HELZ: variants seen among roughly 807,000 people sequenced by gnomAD.
HELZ encodes the protein ATP-dependent RNA helicase with zinc finger domain.
HELZ carries 23 observed loss-of-function variants against 218.2 expected under a neutral mutation model. That is an observed-to-expected ratio of 0.11 (90% CI 0.08 to 0.15). The LOEUF is 0.15. HELZ is among the 10% of genes least tolerant of loss of function. The pLI is 1.00. For missense variants in HELZ, 1,813 were observed against 2,353.7 expected (o/e 0.77, Z 4.75); for synonymous variants, 814 against 829.4 (o/e 0.98, Z 0.32).
At chr17:67,174,494 C>T (rs955531184) in intron 13 of HELZ, among the ~76,000 whole-genome samples, 1 of 152,086 alleles carries the variant, frequency 6.6e-6, no homozygotes, top group African/African-American at 2.4e-5. Flanking sequence ...ATACTACTTT[C>T]GTGATTAGAA....
intron 13 of HELZ, among the ~76,000 whole-genome samples, chr17:67,174,784 C>A (rs1214129337): frequency 6.6e-6 from 1 of 151,912 alleles, no homozygotes; most frequent in Non-Finnish European, 1.5e-5. Flanking sequence ...GCAACAAGAA[C>A]GAAACTCCAT....
At chr17:67,080,502 T>A (rs1001376732) in intron 32 of HELZ, among the ~76,000 whole-genome samples, 2 of 152,234 alleles carry the variant, frequency 1.3e-5, no homozygotes, top group African/African-American at 4.8e-5. Context: ...CTGCTCTTCC[T>A]GCTTTCTCAC....
chr17:67,103,352 A>T lies in HELZ; in HGVS notation c.5241+3817T>A, dbSNP rs148657187. Among the ~76,000 whole-genome samples, 43 of 152,308 alleles carry T rather than the reference A, an allele frequency of 2.8e-4. 1 individual carries two copies. Among genetic ancestry groups the T allele is most frequent in the Admixed American group, 2.1e-3 (32 of 15,298 alleles). ...TTGTAGATGACATTATCTTCCATATAAAAAAGCCTAAGATATCTACAAAAA... is the reference window on the plus strand; with the variant it reads ...TTGTAGATGACATTATCTTCCATATTAAAAAGCCTAAGATATCTACAAAAA... On this transcript the variant is annotated intron_variant, in intron 31 of 32. Coordinates refer to ENST00000358691, the MANE Select transcript of HELZ (RefSeq NM_014877.4).
chr17:67,195,230 T>G (rs901103228), intron 8 of HELZ, among the ~76,000 whole-genome samples, 189 bp downstream of exon 8: 2 of 152,210 alleles, frequency 1.3e-5, no homozygotes, highest in Non-Finnish European at 2.9e-5. Context: ...CATTACTCCA[T>G]TATTCTATGA....
chr17:67,165,781 A>G (rs1176717561), intron 15 of HELZ, among the ~76,000 whole-genome samples: 1 of 152,220 alleles, frequency 6.6e-6, no homozygotes, highest in Non-Finnish European at 1.5e-5. Context: ...TTTCTGAAGT[A>G]GTTTCTTCTA....
chr17:67,223,942 C>G (rs2040820891), intron 3 of HELZ, among the ~76,000 whole-genome samples: 1 of 152,168 alleles, frequency 6.6e-6, no homozygotes, highest in Non-Finnish European at 1.5e-5. Flanking sequence ...TAAAAAGAGA[C>G]TAATACCATG....
intron 24 of HELZ, among the ~76,000 whole-genome samples, chr17:67,126,494 G>A (rs558683181): frequency 4.6e-5 from 7 of 152,106 alleles, no homozygotes; most frequent in South Asian, 2.1e-4. Flanking sequence ...AGAAACCATA[G>A]AACAGTAAAT....
At chr17:67,148,786 A>G in intron 19 of HELZ, 72 bp from the exon 20 acceptor site, 1 of 1,409,076 alleles carries the variant, frequency 7.1e-7, no homozygotes, top group Non-Finnish European at 9.6e-7. Flanking sequence ...ACTTATAAAA[A>G]ATCCACTATG....
intron 3 of HELZ, among the ~76,000 whole-genome samples, chr17:67,235,375 C>T (rs972511713): frequency 2.6e-5 from 4 of 151,954 alleles, no homozygotes; most frequent in Admixed American, 6.6e-5. Flanking sequence ...CATGGTAGTG[C>T]GCACCTGTAA....
rs1196366694 is a variant in HELZ, at chr17:67,109,338, A to G, written c.4267T>C (p.Tyr1423His). 3.1e-6 allele frequency: 5 copies of G among 1,614,158 alleles called. No homozygotes were observed. Among genetic ancestry groups the G allele is most frequent in the Admixed American group, 3.3e-5 (2 of 60,022 alleles). Reference sequence around the variant, plus strand: ...AAAGCATTGTTGGGTCCCGCCTGATATGCAGGAGAAAGCTGAGGAGGTGGC... The same window carrying G: ...AAAGCATTGTTGGGTCCCGCCTGATGTGCAGGAGAAAGCTGAGGAGGTGGC... ...QQPPPQLSPA[Y>H]QAGPNNAFFN... The change falls in exon 29 of 33, where the codon TAT becomes CAT. Residue 1423 changes from tyrosine to histidine, a missense_variant. Physicochemically the swap from Tyr to His is moderately conservative, Grantham distance 83 (BLOSUM62 2). Coordinates refer to ENST00000358691, the MANE Select transcript of HELZ (RefSeq NM_014877.4).
In HELZ at chr17:67,166,464, T is replaced by C. The variant is rs951385422; in HGVS notation, c.1895+14A>G. The C allele has an allele frequency of 1.2e-6, 2 of 1,601,716 alleles. No homozygotes were observed. The highest frequency in any genetic ancestry group is 1.3e-5 in the African/African-American group (1 of 74,716). ...TAACCTAACTTCCTTTAATAAGATA[T>C]CGCCTTTTTGTACCTGTTAGGACTC... On this transcript the variant is annotated intron_variant, in intron 15 of 32. Transcript: ENST00000358691.
At chr17:67,190,020 T>C in intron 10 of HELZ, 137 bp downstream of exon 10, 1 of 723,978 alleles carries the variant, frequency 1.4e-6, no homozygotes, top group Non-Finnish European at 2.3e-6. Flanking sequence ...CTATAGCTAC[T>C]AAAAACATCA....
intron 31 of HELZ, among the ~76,000 whole-genome samples, chr17:67,097,892 G>A (rs1308500040): frequency 6.6e-6 from 1 of 152,082 alleles, no homozygotes; most frequent in Non-Finnish European, 1.5e-5. Flanking sequence ...ATGTAATGCT[G>A]GAGAATGTGT....
Position 67,160,243 on chromosome 17 carries a change from A to G in HELZ, c.2177+18T>C, listed in dbSNP as rs756110483. 31 of 1,358,384 alleles carry G rather than the reference A, an allele frequency of 2.3e-5. No homozygotes were observed. Among genetic ancestry groups the G allele is most frequent in the Admixed American group, 6.7e-5 (4 of 59,482 alleles). 84.1% of individuals were successfully genotyped at this position (1,358,384 alleles called of 1,614,324 possible). A position where few individuals can be genotyped will look rare whatever the true frequency, so the allele number is the denominator to read the frequency against. On this transcript the variant is annotated intron_variant, in intron 17 of 32. Coordinates refer to ENST00000358691, the MANE Select transcript of HELZ (RefSeq NM_014877.4). ...ATAAAGTATGATACAGATACATAAT[A>G]AGCCTTAAAAAAAATACCTGAGAGG...
chr17:67,191,064 G>GCAAAAT (rs546599666), intron 9 of HELZ, among the ~76,000 whole-genome samples: 7,695 of 151,978 alleles, frequency 0.051, 660 homozygotes, highest in African/African-American at 0.18. Context: ...CTCACACACA[G>GCAAAAT]GTATACCCTA....
At chr17:67,150,130 CTTTTTTTTTTTT>C in intron 18 of HELZ, 145 bp from the exon 19 acceptor site, 1 of 178,764 alleles carries the variant, frequency 5.6e-6, no homozygotes, top group South Asian at 5.6e-5. Context: ...TATTTTCTTT[CTTTTTTTTTTTT>C]TTTTTTTTTT....
intron 19 of HELZ, among the ~76,000 whole-genome samples, chr17:67,148,995 C>T (rs1400489906): frequency 3.3e-5 from 5 of 152,204 alleles, no homozygotes; most frequent in African/African-American, 1.2e-4. Context: ...ATAGCTACTA[C>T]TTCAGTGATT....
chr17:67,154,753 G>A (rs4791310), intron 17 of HELZ, among the ~76,000 whole-genome samples: 44,733 of 151,904 alleles, frequency 0.29, 7,762 homozygotes, highest in East Asian at 0.69. Flanking sequence ...ATTTGGTGAG[G>A]GGGAAATTTT....
intron 3 of HELZ, among the ~76,000 whole-genome samples, chr17:67,235,779 G>A (rs1320790443): frequency 2.4e-4 from 26 of 107,534 alleles, no homozygotes; most frequent in African/African-American, 8.8e-4. Context: ...TTTTTGAGAC[G>A]GAGTCTCCCT....
Sources: gnomAD v4.1 joint callset for allele counts (sites outside exome capture counted in the v4.1 genomes callset) on GRCh38, gnomAD v4.1.1 for gene constraint, MANE v1.5 for transcripts, NCBI Gene and HGNC (gene_info 2026-07-23, HGNC 2026-07-21) for gene names.